DNAH6: variants seen among roughly 807,000 people sequenced by gnomAD.
DNAH6 encodes the protein axonemal beta dynein heavy chain 6.
Under a neutral mutation model 491.4 loss-of-function variants are expected in DNAH6, and 340 were observed. The ratio of observed to expected loss-of-function variants is 0.69; its 90% CI spans 0.63 to 0.76. The LOEUF (loss-of-function observed/expected upper bound fraction) is 0.76, where lower values mean the gene tolerates loss of function less well. Among genes scored for constraint, DNAH6 ranks in the 30% least tolerant of loss-of-function variants. The pLI is 0.00. For missense variants in DNAH6, 4,443 were observed against 4,972.2 expected (o/e 0.89, Z 3.20); for synonymous variants, 1,603 against 1,686.1 (o/e 0.95, Z 1.21).
At chr2:84,505,812 G>C in the DNAH6 span, among the ~76,000 whole-genome samples, 381 of 152,116 alleles carry the variant, frequency 2.5e-3, no homozygotes, top group African/African-American at 8.7e-3. Context: ...TGCGGTGTTT[G>C]TTTTTTTGTC....
intron 41 of DNAH6, among the ~76,000 whole-genome samples, chr2:84,679,493 A>G (rs1244490403): frequency 6.6e-6 from 1 of 152,234 alleles, no homozygotes; most frequent in Non-Finnish European, 1.5e-5. Context: ...CTAGTTAGAA[A>G]GCTATAACGC....
At chr2:84,557,182 A>T (rs1265556887) in intron 10 of DNAH6, among the ~76,000 whole-genome samples, 1 of 152,136 alleles carries the variant, frequency 6.6e-6, no homozygotes. Context: ...TCACACTTCA[A>T]ATATAGAACT....
At chr2:84,627,654 A>T (rs1342086281) in intron 29 of DNAH6, among the ~76,000 whole-genome samples, 2 of 152,030 alleles carry the variant, frequency 1.3e-5, no homozygotes, top group African/African-American at 4.8e-5. Context: ...TTCTTTATTC[A>T]TTTGGTTTGT....
chr2:84,692,799 A>G (rs1333266284), intron 45 of DNAH6, among the ~76,000 whole-genome samples: 2 of 152,030 alleles, frequency 1.3e-5, no homozygotes, highest in African/African-American at 4.8e-5. Flanking sequence ...CAGATTATTT[A>G]CTCTCTGAGC....
chr2:84,699,481 T>C, intron 47 of DNAH6, 113 bp from the exon 48 acceptor site: 6 of 897,392 alleles, frequency 6.7e-6, no homozygotes, highest in Non-Finnish European at 1.0e-5. Context: ...ACATATCTAC[T>C]ATGCTGACAT....
At chr2:84,685,732 T>C (rs997046400) in intron 43 of DNAH6, among the ~76,000 whole-genome samples, 1 of 152,084 alleles carries the variant, frequency 6.6e-6, no homozygotes, top group Admixed American at 6.6e-5. Flanking sequence ...CTTGGATCCC[T>C]TGGGCTCAGG....
Position 84,634,490 on chromosome 2 carries a change from T to C in DNAH6, c.4516-14T>C. 6.6e-7 allele frequency: 1 copy of C among 1,526,566 alleles called. No homozygotes were observed. The highest frequency in any genetic ancestry group is 2.5e-5 in the East Asian group (1 of 40,280). 94.6% of individuals were successfully genotyped at this position (1,526,566 alleles called of 1,614,324 possible). ...TACACAATACAAAGTTGAACTGCTTTATTTTGATTTCAGATGATGGGGCGC... is the reference window on the plus strand; with the variant it reads ...TACACAATACAAAGTTGAACTGCTTCATTTTGATTTCAGATGATGGGGCGC... On this transcript the variant is annotated splice_polypyrimidine_tract_variant and intron_variant, in intron 29 of 76. Coordinates refer to ENST00000389394, the MANE Select transcript of DNAH6 (RefSeq NM_001370.2).
At position 84,579,973 on chromosome 2, in the gene DNAH6, C is replaced by T. The variant is rs950134823; in HGVS notation, c.2229+294C>T. Among the ~76,000 whole-genome samples the T allele has an allele frequency of 1.1e-4, 16 of 152,020 alleles. 1 individual carries two copies. Among genetic ancestry groups the T allele is most frequent in the Admixed American group, 9.8e-4 (15 of 15,268 alleles). ...CATTCTGCAGATAAGGAAACAGAAA[C>T]CAAAACAGGATGTGTGATCCGAGAT... On this transcript the variant is annotated intron_variant, in intron 14 of 76. Coordinates refer to ENST00000389394, the MANE Select transcript of DNAH6 (RefSeq NM_001370.2).
intron 2 of DNAH6, among the ~76,000 whole-genome samples, chr2:84,518,624 T>C (rs1293324179): frequency 6.6e-6 from 1 of 152,212 alleles, no homozygotes; most frequent in African/African-American, 2.4e-5. Flanking sequence ...TTGACAAAAG[T>C]GTATCACTAA....
chr2:84,795,620 A>G (rs1678269399), intron 68 of DNAH6, among the ~76,000 whole-genome samples: 1 of 152,230 alleles, frequency 6.6e-6, no homozygotes, highest in Non-Finnish European at 1.5e-5. Flanking sequence ...CAGGAACACT[A>G]CAGTGGTGAA....
chr2:84,797,580 G>C lies in DNAH6; in HGVS notation c.11403G>C (p.Lys3801Asn). 1 of 1,551,676 alleles carries C rather than the reference G, an allele frequency of 6.4e-7. No homozygotes were observed. Among genetic ancestry groups the C allele is most frequent in the Non-Finnish European group, 8.7e-7 (1 of 1,146,864 alleles). Residue 3801 changes from lysine (K) to asparagine (N), a missense_variant, in exon 70 of 77, where the codon AAG (lysine) becomes AAC (asparagine). Physicochemically the swap from Lys to Asn is moderately conservative, Grantham distance 94 (BLOSUM62 0). Around this residue, in one of 3 missense-constraint regions of DNAH6, gnomAD observed 1,463 missense variants for 1,656.6 expected, o/e 0.88. Transcript: ENST00000389394. ...APMADSLQEF[K>N]DYIENLPLID... Reference sequence around the variant, plus strand: ...TGGCTGACAGCCTACAAGAGTTTAAGGACTACATTGAAAATCTGCCTTTGA... The same window carrying C: ...TGGCTGACAGCCTACAAGAGTTTAACGACTACATTGAAAATCTGCCTTTGA...
intron 63 of DNAH6, among the ~76,000 whole-genome samples, chr2:84,757,278 A>G (rs980607252): frequency 2.0e-4 from 30 of 152,344 alleles, no homozygotes; most frequent in African/African-American, 6.5e-4. Context: ...AACCTACAGC[A>G]GCACAGTACA....
chr2:84,683,409 CTT>C (rs1693984298), intron 42 of DNAH6, among the ~76,000 whole-genome samples: 1 of 83,716 alleles, frequency 1.2e-5, no homozygotes, highest in South Asian at 3.8e-4. Context: ...CTACACCACT[CTT>C]ATTTTTTTTT....
At chr2:84,673,364 G>A (rs1390513124) in intron 40 of DNAH6, among the ~76,000 whole-genome samples, 1 of 152,116 alleles carries the variant, frequency 6.6e-6, no homozygotes, top group Non-Finnish European at 1.5e-5. Context: ...GGAGGGATGA[G>A]CTAACGAGGA....
At chr2:84,637,040 A>G (rs753249363) in intron 30 of DNAH6, among the ~76,000 whole-genome samples, 170 bp from the exon 31 acceptor site, 3 of 152,174 alleles carry the variant, frequency 2.0e-5, no homozygotes, top group African/African-American at 2.4e-5. Flanking sequence ...CCCAGAAGAG[A>G]TTGGAAGTAG....
chr2:84,550,149 C>A, intron 9 of DNAH6, 92 bp downstream of exon 9: 7 of 1,049,686 alleles, frequency 6.7e-6, no homozygotes, highest in Admixed American at 2.9e-5. Flanking sequence ...TTTCTGTGCA[C>A]TAAAAAAAAA....
intron 40 of DNAH6, among the ~76,000 whole-genome samples, chr2:84,675,319 G>T (rs73943378): frequency 3.4e-4 from 51 of 152,090 alleles, no homozygotes; most frequent in Non-Finnish European, 5.0e-4. Flanking sequence ...ATAGTAAGCC[G>T]TTGTTTATTG....
the DNAH6 span, among the ~76,000 whole-genome samples, chr2:84,508,124 G>A: frequency 6.6e-6 from 1 of 152,096 alleles, no homozygotes; most frequent in Non-Finnish European, 1.5e-5. Context: ...ATTGATTGGA[G>A]TTGTTTCAGA....
chr2:84,556,355 T>G (rs1373641526), intron 10 of DNAH6, among the ~76,000 whole-genome samples: 1 of 133,742 alleles, frequency 7.5e-6, no homozygotes, highest in African/African-American at 4.1e-5. Context: ...TGACTGCATC[T>G]GCAGAGTATC....
Sources: allele counts gnomAD v4.1 joint callset (sites outside exome capture counted in the v4.1 genomes callset), GRCh38; gene constraint gnomAD v4.1.1; regional missense constraint gnomAD v4.1.1; transcripts MANE v1.5; gene names NCBI Gene and HGNC (gene_info 2026-07-23, HGNC 2026-07-21).